STAG1: variants seen among roughly 807,000 people sequenced by gnomAD.
The protein encoded by STAG1 is STAG1 cohesin complex component.
A neutral mutation model predicts 170.9 loss-of-function variants in STAG1; 26 were observed. The observed-to-expected ratio is 0.15, with a 90% CI of 0.11 to 0.21. The LOEUF is 0.21. STAG1 is among the 10% of genes least tolerant of loss of function. The pLI, the probability that STAG1 is intolerant of heterozygous loss-of-function variation, is 1.00. For missense variants in STAG1, 964 were observed against 1,509.5 expected (o/e 0.64, Z 5.99); for synonymous variants, 514 against 497.7 (o/e 1.03, Z -0.44).
chr3:136,398,955 T>C, intron 21 of STAG1, 126 bp from the exon 22 acceptor site: 1 of 443,736 alleles, frequency 2.3e-6, no homozygotes, highest in Non-Finnish European at 3.9e-6. Flanking sequence ...GTCCAAATTT[T>C]TGTATAATTA....
chr3:136,736,972 G>A lies in STAG1; in HGVS notation c.-84+15223C>T. ...CTCAAAAGCCTTTTGTGCTCTGTCA[G>A]CATCATCTTGATTTTTGTCAGGATG... On this transcript the variant is annotated intron_variant, in intron 1 of 33. Coordinates refer to ENST00000383202, the MANE Select transcript of STAG1 (RefSeq NM_005862.3). 1.9e-6 allele frequency: 3 copies of A among 1,596,254 alleles called. No individual in the cohort carries two copies. In the Admixed American group the frequency reaches 5.0e-5, roughly 27 times the overall value.
chr3:136,666,470 C>T (rs1232333445), intron 1 of STAG1, among the ~76,000 whole-genome samples: 1 of 152,118 alleles, frequency 6.6e-6, no homozygotes, highest in Non-Finnish European at 1.5e-5. Context: ...TTTTGCAGAT[C>T]ATAAATGTTA....
chr3:136,445,146 G>T (rs2088742924), intron 14 of STAG1, among the ~76,000 whole-genome samples: 1 of 151,162 alleles, frequency 6.6e-6, no homozygotes, highest in Non-Finnish European at 1.5e-5. Context: ...CATTTCGACT[G>T]CATTTCAAAT....
intron 6 of STAG1, among the ~76,000 whole-genome samples, chr3:136,535,438 G>C (rs1935571765): frequency 6.6e-6 from 1 of 152,200 alleles, no homozygotes; most frequent in South Asian, 2.1e-4. Context: ...CAAGGCAGGT[G>C]GATCACTTGA....
chr3:136,382,471 C>T (rs1212689989), intron 22 of STAG1, among the ~76,000 whole-genome samples: 6 of 149,566 alleles, frequency 4.0e-5, no homozygotes, highest in East Asian at 2.0e-4. Flanking sequence ...GGCGCTATCT[C>T]GGCTCATTGC....
chr3:136,466,861 A>G (rs1054055907), intron 12 of STAG1, among the ~76,000 whole-genome samples: 2 of 152,260 alleles, frequency 1.3e-5, no homozygotes, highest in Non-Finnish European at 2.9e-5. Context: ...ACATTCTTCA[A>G]GAAAAGAATT....
chr3:136,592,220 T>C (rs1938219998), intron 4 of STAG1, among the ~76,000 whole-genome samples: 1 of 152,218 alleles, frequency 6.6e-6, no homozygotes, highest in Admixed American at 6.5e-5. Context: ...AATCTCATTT[T>C]GAATTGTAAT....
chr3:136,702,125 GAGAGAC>G (rs1451901161), intron 1 of STAG1, among the ~76,000 whole-genome samples: 47 of 96,932 alleles, frequency 4.8e-4, no homozygotes, highest in African/African-American at 2.9e-3. Context: ...GAGAGAGACA[GAGAGAC>G]AGAGAGACAG....
chr3:136,394,097 G>A (rs930946012), intron 22 of STAG1, among the ~76,000 whole-genome samples: 7 of 151,986 alleles, frequency 4.6e-5, no homozygotes, highest in Admixed American at 1.3e-4. Context: ...TAGTAGAGAC[G>A]GGGTTTCGCC....
intron 1 of STAG1, among the ~76,000 whole-genome samples, chr3:136,647,065 T>A (rs1205181163): frequency 6.6e-6 from 1 of 152,156 alleles, no homozygotes; most frequent in East Asian, 1.9e-4. Flanking sequence ...CACCACTATG[T>A]ACACCTAAAT....
chr3:136,630,716 TAC>T, intron 2 of STAG1, among the ~76,000 whole-genome samples, 152 bp downstream of exon 2: 1 of 152,300 alleles, frequency 6.6e-6, no homozygotes, highest in Non-Finnish European at 1.5e-5. Flanking sequence ...ATACGGTAAT[TAC>T]ACACCCTACT....
At chr3:136,423,215 C>T (rs1196278423) in intron 16 of STAG1, among the ~76,000 whole-genome samples, 171 bp from the exon 17 acceptor site, 2 of 152,122 alleles carry the variant, frequency 1.3e-5, no homozygotes, top group Admixed American at 6.6e-5. Flanking sequence ...ACATGCACTA[C>T]TACCTTATCA....
intron 19 of STAG1, 53 bp downstream of exon 19, chr3:136,422,357 T>G: frequency 6.6e-7 from 1 of 1,514,474 alleles, no homozygotes; most frequent in African/African-American, 1.4e-5. Flanking sequence ...TCAGCTATCT[T>G]AAGTAATTCT....
At chr3:136,723,899 C>T (rs1464940083) in intron 1 of STAG1, among the ~76,000 whole-genome samples, 3 of 149,590 alleles carry the variant, frequency 2.0e-5, no homozygotes, top group Admixed American at 1.3e-4. Flanking sequence ...CAGCCCCCCG[C>T]CCGGCCAGTC....
intron 1 of STAG1, among the ~76,000 whole-genome samples, chr3:136,634,293 G>A (rs901679118): frequency 2.0e-5 from 3 of 151,846 alleles, no homozygotes; most frequent in Admixed American, 6.6e-5. Flanking sequence ...GGAGGTTGAG[G>A]CTACAGTGAG....
chr3:136,539,738 A>G (rs2107722901), intron 6 of STAG1, among the ~76,000 whole-genome samples: 1 of 152,334 alleles, frequency 6.6e-6, no homozygotes. Flanking sequence ...TGACATTACA[A>G]TCACAAAGCA....
At chr3:136,629,595 A>T (rs917040650) in intron 2 of STAG1, among the ~76,000 whole-genome samples, 15 of 151,900 alleles carry the variant, frequency 9.9e-5, no homozygotes, top group Non-Finnish European at 2.2e-4. Context: ...AAAGGACAGG[A>T]GGACAGTATT....
intron 5 of STAG1, among the ~76,000 whole-genome samples, chr3:136,550,328 GAC>G (rs1936330690): frequency 6.8e-6 from 1 of 148,088 alleles, no homozygotes; most frequent in South Asian, 2.1e-4. Flanking sequence ...TTTTTTTTGA[GAC>G]AGAGTCTCAC....
chr3:136,444,728 T>C (rs1347647772), intron 14 of STAG1, among the ~76,000 whole-genome samples: 1 of 152,242 alleles, frequency 6.6e-6, no homozygotes, highest in African/African-American at 2.4e-5. Flanking sequence ...TCATCATAAG[T>C]AGTGGCCCAA....
Sources: allele counts gnomAD v4.1 joint callset (sites outside exome capture counted in the v4.1 genomes callset), GRCh38; gene constraint gnomAD v4.1.1; transcripts MANE v1.5; gene names NCBI Gene and HGNC (gene_info 2026-07-23, HGNC 2026-07-21).